The following ZNF469 variants were observed in gnomAD, a reference collection of about 807,000 sequenced individuals.
The protein encoded by ZNF469 is zinc finger protein 469.
In ZNF469, 1 loss-of-function variant was observed where a neutral mutation model predicts 1.0. The ratio of observed to expected loss-of-function variants is 1.00; its 90% CI spans 0.35 to 4.73. The LOEUF (loss-of-function observed/expected upper bound fraction) is 4.73. ZNF469 is among the 30% of genes most tolerant of loss of function. ZNF469 has a pLI of 0.16. For synonymous variants in ZNF469, 2,703 were observed against 2,363.4 expected (o/e 1.14, Z -4.17); for missense variants, 6,100 against 5,356.3 (o/e 1.14, Z -4.33).
the ZNF469 span, among the ~76,000 whole-genome samples, chr16:88,175,644 G>A: frequency 7.9e-5 from 12 of 152,190 alleles, no homozygotes; most frequent in South Asian, 2.1e-4. Context: ...TTGGAACTGC[G>A]TGAAAACGGA....
chr16:88,406,517 C>T (rs1045987444), intron 1 of ZNF469, among the ~76,000 whole-genome samples: 10 of 152,198 alleles, frequency 6.6e-5, no homozygotes, highest in African/African-American at 2.4e-4. Context: ...CAGAGGATCT[C>T]CAGGTTATCG....
rs2142312795 is a variant in ZNF469, at chr16:88,436,162, G to A, written c.8692G>A (p.Gly2898Ser). 6.5e-7 allele frequency: 1 copy of A among 1,547,884 alleles called. No individual in the cohort carries two copies. The part of the protein sequence containing the change: ...PLPTQPSFEE[G>S]GDPTLGPARL... ...GCCAACCCAGCCCAGCTTTGAGGAG[G>A]GCGGTGACCCCACGCTGGGCCCAGC... is the stretch of plus-strand genomic sequence containing the variant. Residue 2898 changes from glycine (G) to serine (S), a missense_variant, in exon 3 of 3, where the codon GGC becomes AGC. Transcript: ENST00000565624.
At chr16:88,359,121 C>T in the ZNF469 span, among the ~76,000 whole-genome samples, 1 of 152,230 alleles carries the variant, frequency 6.6e-6, no homozygotes, top group African/African-American at 2.4e-5. Flanking sequence ...CAAGTTACGC[C>T]CCCACCAGCA....
At chr16:88,168,871 G>C in the ZNF469 span, among the ~76,000 whole-genome samples, 2 of 152,196 alleles carry the variant, frequency 1.3e-5, no homozygotes, top group Admixed American at 6.5e-5. This position sits in a 1 kb window ranked among gnomAD's most constrained non-coding sequence, Gnocchi z 4.3. Context: ...CAAGGCGTGA[G>C]GATCGCTTGA....
the ZNF469 span, among the ~76,000 whole-genome samples, chr16:88,242,018 G>A: frequency 3.3e-5 from 5 of 152,324 alleles, no homozygotes; most frequent in East Asian, 5.8e-4. Flanking sequence ...GGAATTTGGC[G>A]AGACTGTTAA....
chr16:88,152,119 G>A, the ZNF469 span, among the ~76,000 whole-genome samples: 1 of 152,226 alleles, frequency 6.6e-6, no homozygotes, highest in South Asian at 2.1e-4. This position sits in a 1 kb window ranked among gnomAD's most constrained non-coding sequence, Gnocchi z 4.2. Context: ...GAGGCCATGG[G>A]TGGAGGAGGG....
At chr16:88,141,064 G>A in the ZNF469 span, among the ~76,000 whole-genome samples, 1 of 152,198 alleles carries the variant, frequency 6.6e-6, no homozygotes, top group African/African-American at 2.4e-5. Context: ...TTGGGCCAAT[G>A]AATCCACCAT....
At chr16:88,295,578 T>C in the ZNF469 span, among the ~76,000 whole-genome samples, 1 of 152,106 alleles carries the variant, frequency 6.6e-6, no homozygotes, top group Non-Finnish European at 1.5e-5. Context: ...TTCTGGTGTT[T>C]GTGGGTTTTG....
the ZNF469 span, among the ~76,000 whole-genome samples, chr16:88,205,643 A>G: frequency 1.3e-5 from 2 of 152,188 alleles, no homozygotes; most frequent in Admixed American, 1.3e-4. This position sits in a 1 kb window ranked among gnomAD's most constrained non-coding sequence, Gnocchi z 4.2. Context: ...CGGCGGTAAC[A>G]GCAGCACAGT....
the ZNF469 span, among the ~76,000 whole-genome samples, chr16:88,224,274 G>A: frequency 6.6e-6 from 1 of 152,192 alleles, no homozygotes; most frequent in South Asian, 2.1e-4. Flanking sequence ...TGTCCCTCCT[G>A]ACCCCAGGAT....
chr16:88,294,080 T>A, the ZNF469 span, among the ~76,000 whole-genome samples: 2 of 152,158 alleles, frequency 1.3e-5, no homozygotes, highest in Non-Finnish European at 2.9e-5. Context: ...TCAGTGGCCT[T>A]TGTTGGATGT....
chr16:88,439,361 G>T lies in ZNF469; in HGVS notation c.*29G>T. 6.5e-7 allele frequency: 1 copy of T among 1,549,674 alleles called. No homozygotes were observed. Among genetic ancestry groups the T allele is most frequent in the Non-Finnish European group, 8.7e-7 (1 of 1,146,672 alleles). On this transcript the variant is annotated 3_prime_UTR_variant, in exon 3 of 3. Coordinates refer to ENST00000565624, the MANE Select transcript of ZNF469 (RefSeq NM_001367624.2). ...CTAGGAGCAAGAGCCTGGGACCGGA[G>T]CTGGGCGTTCCTGTCTCGGCCTGCC...
chr16:88,281,087 C>T, the ZNF469 span, among the ~76,000 whole-genome samples: 1 of 151,010 alleles, frequency 6.6e-6, no homozygotes, highest in Admixed American at 6.6e-5. Flanking sequence ...TGCTGTGCCA[C>T]ACCAATGCTT....
chr16:88,215,699 T>C, the ZNF469 span, among the ~76,000 whole-genome samples: 11 of 152,168 alleles, frequency 7.2e-5, no homozygotes, highest in Non-Finnish European at 1.3e-4. Flanking sequence ...CAGCCTTTTT[T>C]TTTAAATCAA....
chr16:88,429,486 C>G lies in ZNF469; in HGVS notation c.2016C>G (p.Pro672=). ...QPEPAKAFPF[P]ADGLGAEGAF... ...AGCCAGCCAAGGCCTTCCCTTTTCC[C>G]GCAGATGGGCTGGGAGCCGAGGGTG... The change falls in exon 3 of 3, where the codon CCC becomes CCG. Residue 672 remains proline (P), a synonymous_variant. Transcript: ENST00000565624. 3 of 1,550,112 alleles carry G rather than the reference C, an allele frequency of 1.9e-6. No individual in the cohort carries two copies. The highest frequency in any genetic ancestry group is 2.6e-6 in the Non-Finnish European group (3 of 1,146,844).
chr16:88,303,627 C>A, the ZNF469 span, among the ~76,000 whole-genome samples: 1 of 152,226 alleles, frequency 6.6e-6, no homozygotes, highest in Admixed American at 6.5e-5. Flanking sequence ...TCCACCTCCA[C>A]CTTCCAGTGG....
the ZNF469 span, among the ~76,000 whole-genome samples, chr16:88,172,952 A>AACAAAT: frequency 2.6e-5 from 4 of 152,302 alleles, no homozygotes; most frequent in East Asian, 7.7e-4. Context: ...CAAAAACAAA[A>AACAAAT]ACAGGACACT....
chr16:88,247,816 AG>A, the ZNF469 span, among the ~76,000 whole-genome samples: 1 of 148,910 alleles, frequency 6.7e-6, no homozygotes, highest in African/African-American at 2.6e-5. Flanking sequence ...TGAGTGAGTG[AG>A]TGAATGAGTG....
chr16:88,279,164 G>A, the ZNF469 span, among the ~76,000 whole-genome samples: 1 of 134,676 alleles, frequency 7.4e-6, no homozygotes, highest in African/African-American at 2.5e-5. Flanking sequence ...TCAGTACCGT[G>A]TAGATATCAG....
Sources: gnomAD v4.1 joint callset for allele counts (sites outside exome capture counted in the v4.1 genomes callset) on GRCh38, gnomAD v4.1.1 for gene constraint, Gnocchi (gnomAD v3.1) non-coding constraint, MANE v1.5 for transcripts, NCBI Gene and HGNC (gene_info 2026-07-23, HGNC 2026-07-21) for gene names.